Variants in KANSL1L observed in about 807,000 individuals in gnomAD.
KANSL1L encodes KAT8 regulatory NSL complex subunit 1-like protein.
A neutral mutation model predicts 108.6 loss-of-function variants in KANSL1L; 25 were observed. That is an observed-to-expected ratio of 0.23 (90% CI 0.17 to 0.32). KANSL1L has a LOEUF of 0.32. KANSL1L is among the 10% of genes least tolerant of loss of function. The probability of loss-of-function intolerance (pLI) is 1.00; values close to 1 mark genes in which losing one functional copy is unlikely to be tolerated. For synonymous variants in KANSL1L, 405 were observed against 395.1 expected, an observed-to-expected ratio of 1.03 and a Z score of -0.30; for missense variants, 1,137 against 1,125.7, an observed-to-expected ratio of 1.01 and a Z score of -0.14.
Position 210,059,061 on chromosome 2 carries a change from C to G in KANSL1L, c.1756-14957G>C, listed in dbSNP as rs1286992034. Among the ~76,000 whole-genome samples the G allele has an allele frequency of 2.0e-5, 3 of 151,476 alleles. No individual in the cohort carries two copies. In the East Asian group the frequency reaches 5.8e-4, roughly 29 times the overall value. On this transcript the variant is annotated intron_variant, in intron 6 of 14. Coordinates refer to ENST00000281772, the MANE Select transcript of KANSL1L (RefSeq NM_152519.4). ...ATATCTGGCTGAATTTCCCCCATAC[C>G]CAGGAGGTGGAGCTTGCAGTGACCT...
chr2:210,031,548 TA>T lies in KANSL1L; in HGVS notation c.2030-3del. On this transcript the variant is annotated splice_region_variant and splice_polypyrimidine_tract_variant and intron_variant, in intron 8 of 14. Coordinates refer to ENST00000281772, the MANE Select transcript of KANSL1L (RefSeq NM_152519.4). ...TCCATTGATTCAGAGTACTATGTACTAAAACAAATGAAAAGGAAATATTAAG... is the reference window on the plus strand; with the variant it reads ...TCCATTGATTCAGAGTACTATGTACTAAACAAATGAAAAGGAAATATTAAG... 1 of 1,497,682 alleles carries T rather than the reference TA, an allele frequency of 6.7e-7. No homozygotes were observed. The highest frequency in any genetic ancestry group is 9.1e-7 in the Non-Finnish European group (1 of 1,102,774). 92.8% of individuals were successfully genotyped at this position (1,497,682 alleles called of 1,614,324 possible).
At chr2:210,034,562 A>C (rs1042651470) in intron 8 of KANSL1L, among the ~76,000 whole-genome samples, 1 of 152,194 alleles carries the variant, frequency 6.6e-6, no homozygotes. Flanking sequence ...GGTGGGGAGC[A>C]GGTGTGACAT....
intron 3 of KANSL1L, among the ~76,000 whole-genome samples, chr2:210,112,180 G>T (rs1388748028): frequency 3.3e-5 from 5 of 152,056 alleles, no homozygotes; most frequent in Non-Finnish European, 7.3e-5. Context: ...TGTGAATAGT[G>T]CCGCTATAAA....
upstream of KANSL1L, chr2:210,171,431 G>A (rs1373152066): frequency 1.3e-5 from 2 of 157,270 alleles, no homozygotes; most frequent in South Asian, 1.7e-4. Flanking sequence ...GCGGGGCCCG[G>A]CGCTAGCCAA....
Position 210,149,629 on chromosome 2 carries a change from A to T in KANSL1L, c.1088+3866T>A, listed in dbSNP as rs543717618. The stretch of plus-strand genomic sequence containing the variant: ...CTTATAAGGATATTTTAAATTTAAA[A>T]ATGTATTTAATGACCTAAGATAGAA... On this transcript the variant is annotated intron_variant, in intron 2 of 14. Coordinates refer to ENST00000281772, the MANE Select transcript of KANSL1L (RefSeq NM_152519.4). Among the ~76,000 whole-genome samples, 9 of 152,138 alleles carry T rather than the reference A, an allele frequency of 5.9e-5. No individual in the cohort carries two copies. The South Asian group carries it at 1.9e-3, about 32-fold the overall frequency.
chr2:210,101,090 T>C (rs1035803468), intron 4 of KANSL1L, among the ~76,000 whole-genome samples: 2 of 152,186 alleles, frequency 1.3e-5, no homozygotes, highest in Non-Finnish European at 2.9e-5. Flanking sequence ...TTACTTCTGC[T>C]CTCTTTACAT....
intron 2 of KANSL1L, among the ~76,000 whole-genome samples, chr2:210,144,127 C>A (rs1246486367): frequency 6.6e-6 from 1 of 152,082 alleles, no homozygotes; most frequent in Non-Finnish European, 1.5e-5. Flanking sequence ...TTCTTATTTT[C>A]AGCACTTTGA....
intron 3 of KANSL1L, among the ~76,000 whole-genome samples, chr2:210,113,298 G>A (rs2094926153): frequency 6.6e-6 from 1 of 151,976 alleles, no homozygotes; most frequent in Admixed American, 6.6e-5. Flanking sequence ...TGCACCAATG[G>A]GGAAAATTAG....
In KANSL1L at chr2:210,153,995, A is replaced by G; in HGVS notation, c.588T>C (p.Thr196=). 2 of 1,613,882 alleles carry G rather than the reference A, an allele frequency of 1.2e-6. No individual in the cohort carries two copies. The highest frequency in any genetic ancestry group is 2.2e-5 in the South Asian group (2 of 91,084). ...AEIKKGLLHC[T]QKKIVPGHSN... ...AGTGGCCAGGTACAATTTTCTTTTG[A>G]GTACAGTGCAATAAACCCTTTTTAA... Residue 196 remains threonine (T), a synonymous_variant, in exon 2 of 15, where the codon ACT becomes ACC. Transcript: ENST00000281772.
intron 2 of KANSL1L, among the ~76,000 whole-genome samples, chr2:210,138,302 C>T (rs999199613): frequency 6.6e-6 from 1 of 151,560 alleles, no homozygotes; most frequent in African/African-American, 2.4e-5. Context: ...ACGATAGACA[C>T]TGGGGACTAA....
rs1415539120 is a variant in KANSL1L, at chr2:210,044,968, C to T, written c.1756-864G>A. Among the ~76,000 whole-genome samples the T allele has an allele frequency of 6.6e-6, 1 of 152,034 alleles. No individual in the cohort carries two copies. Among genetic ancestry groups the T allele is most frequent in the Non-Finnish European group, 1.5e-5 (1 of 68,018 alleles). ...TATTTTTAGTGGAGACAGGGCTTCACCAGTTGGCCAGGCTGGTCTCGAACT... is the reference window on the plus strand; with the variant it reads ...TATTTTTAGTGGAGACAGGGCTTCATCAGTTGGCCAGGCTGGTCTCGAACT... On this transcript the variant is annotated intron_variant, in intron 6 of 14. Coordinates refer to ENST00000281772, the MANE Select transcript of KANSL1L (RefSeq NM_152519.4). The surrounding 1 kb of genome is among the most constrained non-coding windows in gnomAD (Gnocchi z 4.2).
At chr2:210,145,078 C>A (rs2095256207) in intron 2 of KANSL1L, among the ~76,000 whole-genome samples, 1 of 152,198 alleles carries the variant, frequency 6.6e-6, no homozygotes, top group African/African-American at 2.4e-5. Flanking sequence ...GCTCTATCAA[C>A]TGATGTTAGC....
At chr2:210,114,177 G>T (rs1253236046) in intron 3 of KANSL1L, among the ~76,000 whole-genome samples, 3 of 152,042 alleles carry the variant, frequency 2.0e-5, no homozygotes, top group Non-Finnish European at 4.4e-5. Context: ...CTTGAAAGCG[G>T]CAAGAGAGAA....
intron 2 of KANSL1L, among the ~76,000 whole-genome samples, chr2:210,143,680 A>G (rs549638073): frequency 1.1e-4 from 16 of 152,250 alleles, no homozygotes; most frequent in Middle Eastern, 6.8e-3. Context: ...AACAATTCAT[A>G]GTTATTAGGA....
At chr2:210,108,650 A>G (rs1381219304) in intron 3 of KANSL1L, among the ~76,000 whole-genome samples, 1 of 152,210 alleles carries the variant, frequency 6.6e-6, no homozygotes, top group African/African-American at 2.4e-5. Flanking sequence ...TCCTTTATGG[A>G]AAATGATCAA....
At chr2:210,131,628 A>C (rs976222165) in intron 2 of KANSL1L, among the ~76,000 whole-genome samples, 1 of 152,158 alleles carries the variant, frequency 6.6e-6, no homozygotes, top group African/African-American at 2.4e-5. Context: ...AATTATACTA[A>C]TATAGAAAAA....
intron 3 of KANSL1L, among the ~76,000 whole-genome samples, chr2:210,123,200 G>A (rs532561645): frequency 1.3e-5 from 2 of 152,172 alleles, no homozygotes; most frequent in East Asian, 1.9e-4. Context: ...CCAAAGAAAG[G>A]ATATCAGTAT....
At chr2:210,028,728 G>T in intron 11 of KANSL1L, 117 bp downstream of exon 11, 1 of 725,636 alleles carries the variant, frequency 1.4e-6, no homozygotes, top group Non-Finnish European at 2.2e-6. Flanking sequence ...TCCCCTCCAT[G>T]GCTATGAAGG....
intron 5 of KANSL1L, among the ~76,000 whole-genome samples, chr2:210,089,723 T>C (rs1195673553): frequency 2.6e-5 from 4 of 152,112 alleles, no homozygotes; most frequent in Non-Finnish European, 4.4e-5. Context: ...GGAGATTAAA[T>C]GTCCCAAGAT....
Sources: gnomAD v4.1 joint callset for allele counts (sites outside exome capture counted in the v4.1 genomes callset) on GRCh38, gnomAD v4.1.1 for gene constraint, Gnocchi (gnomAD v3.1) non-coding constraint, MANE v1.5 for transcripts, NCBI Gene and HGNC (gene_info 2026-07-23, HGNC 2026-07-21) for gene names.